Variants in PTPRE observed in about 807,000 individuals in gnomAD.
The protein encoded by PTPRE is protein tyrosine phosphatase receptor type E, also known as receptor-type tyrosine-protein phosphatase epsilon.
PTPRE carries 51 observed loss-of-function variants against 102.0 expected under a neutral mutation model. The ratio of observed to expected loss-of-function variants is 0.50; its 90% confidence interval spans 0.40 to 0.63. The LOEUF is 0.63. Among genes scored for constraint, PTPRE ranks in the 30% least tolerant of loss-of-function variants. The pLI, the probability that PTPRE is intolerant of heterozygous loss-of-function variation, is 0.00. For synonymous variants in PTPRE, 345 were observed against 348.2 expected, an observed-to-expected ratio of 0.99 and a Z score of 0.10; for missense variants, 752 against 915.1, an observed-to-expected ratio of 0.82 and a Z score of 2.30.
At chr10:128,074,042 A>C (rs74515350) in intron 17 of PTPRE, among the ~76,000 whole-genome samples, 178 of 152,296 alleles carry the variant, frequency 1.2e-3, no homozygotes, top group African/African-American at 4.0e-3. Flanking sequence ...GATCATTTTC[A>C]TCAACCCAAA....
intron 2 of PTPRE, among the ~76,000 whole-genome samples, chr10:127,994,424 T>C (rs1267078100): frequency 6.6e-6 from 1 of 152,242 alleles, no homozygotes; most frequent in Non-Finnish European, 1.5e-5. Flanking sequence ...TATTTGGAAC[T>C]GTGGTATTTA....
chr10:127,953,212 C>G (rs1455094325), intron 1 of PTPRE, among the ~76,000 whole-genome samples: 1 of 152,228 alleles, frequency 6.6e-6, no homozygotes, highest in Non-Finnish European at 1.5e-5. Context: ...TGCTCTGCCC[C>G]TTGGGCCATA....
chr10:128,080,452 G>A (rs112480546), intron 20 of PTPRE, among the ~76,000 whole-genome samples: 5,216 of 152,262 alleles, frequency 0.034, 111 homozygotes, highest in Admixed American at 0.045. Context: ...ACAGCAAGGC[G>A]CAGCAGGAGC....
intron 1 of PTPRE, among the ~76,000 whole-genome samples, chr10:127,937,670 C>T (rs549035958): frequency 1.5e-4 from 22 of 150,542 alleles, no homozygotes; most frequent in African/African-American, 5.3e-4. Context: ...ACCAGCCTGG[C>T]CAACATGGTG....
chr10:128,042,744 G>A (rs1042424853), intron 3 of PTPRE, among the ~76,000 whole-genome samples: 6 of 152,084 alleles, frequency 3.9e-5, no homozygotes, highest in South Asian at 2.1e-4. Flanking sequence ...TTTGTTCATC[G>A]AACAAAATAT....
At chr10:127,982,575 A>G (rs1291435269) in intron 2 of PTPRE, among the ~76,000 whole-genome samples, 2 of 151,576 alleles carry the variant, frequency 1.3e-5, no homozygotes, top group Non-Finnish European at 2.9e-5. Context: ...ATTGTTGAGG[A>G]CACAATTTCT....
intron 2 of PTPRE, among the ~76,000 whole-genome samples, chr10:128,010,989 A>G (rs2135612182): frequency 6.6e-6 from 1 of 152,220 alleles, no homozygotes. Flanking sequence ...CTGAATTGCC[A>G]CCCCTGTCCT....
rs1247578988 is a variant in PTPRE at position 127,934,956 on chromosome 10, G to GC, written c.-31+27652dup. ...GAAGAAAGGGCTGCTGACGTTTGGG[G>GC]CCCCCGCTATGAGCATAGCCTCCAC... is the stretch of plus-strand genomic sequence containing the variant. On this transcript the variant is annotated intron_variant, in intron 1 of 20. Coordinates refer to ENST00000254667, the MANE Select transcript of PTPRE (RefSeq NM_006504.6). 2.0e-5 allele frequency: 3 copies of GC among 152,402 alleles called. No homozygotes were observed. The East Asian group carries it at 5.8e-4, about 29-fold the overall frequency. 9.4% of individuals were successfully genotyped at this position (152,402 alleles called of 1,614,324 possible).
chr10:128,040,846 C>T lies in PTPRE; in HGVS notation c.-7-29C>T, dbSNP rs753492579. ...GGGTCCCACAGCTGCTGCTGGATGA[C>T]CTCTGAGCCTGTCCCTGCCTCTCTG... On this transcript the variant is annotated intron_variant, in intron 2 of 20. Coordinates refer to ENST00000254667, the MANE Select transcript of PTPRE (RefSeq NM_006504.6). 3 of 1,583,516 alleles carry T rather than the reference C, an allele frequency of 1.9e-6. No individual in the cohort carries two copies. In the Admixed American group the frequency reaches 5.0e-5, roughly 27 times the overall value.
intron 2 of PTPRE, among the ~76,000 whole-genome samples, chr10:127,989,150 T>C (rs1852388561): frequency 6.6e-6 from 1 of 152,052 alleles, no homozygotes; most frequent in Non-Finnish European, 1.5e-5. Flanking sequence ...TCAAGTGCTA[T>C]AACATATACA....
intron 1 of PTPRE, among the ~76,000 whole-genome samples, chr10:127,910,241 A>G (rs1845776210): frequency 6.6e-6 from 1 of 152,152 alleles, no homozygotes; most frequent in Non-Finnish European, 1.5e-5. Flanking sequence ...TTTGTCTTCC[A>G]TAAAGCTCCC....
intron 2 of PTPRE, among the ~76,000 whole-genome samples, chr10:127,993,663 T>G (rs922557351): frequency 6.6e-6 from 1 of 152,118 alleles, no homozygotes; most frequent in Non-Finnish European, 1.5e-5. Context: ...GGGCAGCACT[T>G]AGCACAAACA....
chr10:128,055,371 G>C (rs1361669883), intron 6 of PTPRE, among the ~76,000 whole-genome samples: 2 of 152,312 alleles, frequency 1.3e-5, no homozygotes, highest in African/African-American at 2.4e-5. Context: ...CGGTTATGCT[G>C]CTCAGAGGGG....
chr10:128,071,853 A>G, intron 15 of PTPRE: 2 of 270,734 alleles, frequency 7.4e-6, no homozygotes, highest in East Asian at 8.9e-5. Context: ...CATTCCATTT[A>G]CTCCTTCAGC....
intron 1 of PTPRE, among the ~76,000 whole-genome samples, chr10:127,924,353 G>T (rs1193672705): frequency 6.6e-6 from 1 of 152,174 alleles, no homozygotes; most frequent in African/African-American, 2.4e-5. Flanking sequence ...AGCCTCTCGA[G>T]TAGCTGGGAC....
At chr10:127,998,201 C>G (rs1406666373) in intron 2 of PTPRE, 20 of 152,164 alleles carry the variant, frequency 1.3e-4, no homozygotes, top group Admixed American at 1.3e-3. Context: ...TTCAGAAATT[C>G]CTTATCAACA....
intron 1 of PTPRE, among the ~76,000 whole-genome samples, chr10:127,913,195 C>T (rs139353699): frequency 2.0e-5 from 3 of 152,302 alleles, no homozygotes; most frequent in East Asian, 1.9e-4. Flanking sequence ...AAAGGGCCAG[C>T]GGTCTCACAC....
At position 128,077,786 on chromosome 10, in the gene PTPRE, G is replaced by T. The variant is rs764790343; in HGVS notation, c.1892+3G>T. ...CACCCCATCACCGTGCACTGCAGGTGAGCCCCCAGCCCGAAGCCCTCCAGG... is the reference window on the plus strand; with the variant it reads ...CACCCCATCACCGTGCACTGCAGGTTAGCCCCCAGCCCGAAGCCCTCCAGG... On this transcript the variant is annotated splice_donor_region_variant and intron_variant, in intron 19 of 20. Transcript: ENST00000254667. 2 of 1,585,962 alleles carry T rather than the reference G, an allele frequency of 1.3e-6. No individual in the cohort carries two copies. The highest frequency in any genetic ancestry group is 2.2e-5 in the South Asian group (2 of 89,816).
intron 7 of PTPRE, among the ~76,000 whole-genome samples, chr10:128,059,738 A>G (rs1849356197): frequency 6.6e-6 from 1 of 152,196 alleles, no homozygotes; most frequent in Admixed American, 6.5e-5. Flanking sequence ...TTAGAAGCCC[A>G]TGAAAATGTC....
Sources: gnomAD v4.1 joint callset for allele counts (sites outside exome capture counted in the v4.1 genomes callset) on GRCh38, gnomAD v4.1.1 for gene constraint, MANE v1.5 for transcripts, NCBI Gene and HGNC (gene_info 2026-07-23, HGNC 2026-07-21) for gene names.